The following AKAP10 variants were observed in gnomAD, a reference collection of about 807,000 sequenced individuals.
The protein encoded by AKAP10 is A-kinase anchor protein 10, mitochondrial.
Under a neutral mutation model 80.8 loss-of-function variants are expected in AKAP10, and 24 were observed. The ratio of observed to expected loss-of-function variants is 0.30; its 90% confidence interval spans 0.22 to 0.42. The LOEUF is 0.42. Among genes scored for constraint, AKAP10 ranks in the 10% least tolerant of loss-of-function variants. AKAP10 has a pLI of 1.00. For synonymous variants in AKAP10, 291 were observed against 277.7 expected (o/e 1.05, Z -0.48); for missense variants, 661 against 794.9 (o/e 0.83, Z 2.03).
chr17:19,951,312 G>A (rs1262785543), intron 4 of AKAP10, among the ~76,000 whole-genome samples: 2 of 151,876 alleles, frequency 1.3e-5, no homozygotes, highest in South Asian at 2.1e-4. Context: ...GCCCCGTCTG[G>A]GAGGTGGGGG....
In AKAP10 at chr17:19,924,895, T is replaced by C. The variant is rs140218036; in HGVS notation, c.1642-378A>G. On this transcript the variant is annotated intron_variant, in intron 10 of 14. Transcript: ENST00000225737. Reference sequence around the variant, plus strand: ...CATGCAGCCCTCAATATTCATCTTTTACCCAATACAAGGATCCCAGCACTT... The same window carrying C: ...CATGCAGCCCTCAATATTCATCTTTCACCCAATACAAGGATCCCAGCACTT... Among the ~76,000 whole-genome samples, 380 of 152,158 alleles carry C rather than the reference T, an allele frequency of 2.5e-3. 1 individual carries two copies. The highest frequency in any genetic ancestry group is 8.6e-3 in the African/African-American group (358 of 41,534).
chr17:19,973,654 A>G (rs2043527367), intron 1 of AKAP10, among the ~76,000 whole-genome samples: 1 of 152,248 alleles, frequency 6.6e-6, no homozygotes, highest in African/African-American at 2.4e-5. Context: ...TGCCTCCTCA[A>G]TCTTTATAAA....
intron 9 of AKAP10, among the ~76,000 whole-genome samples, chr17:19,934,708 G>A (rs903889865): frequency 3.9e-5 from 6 of 152,092 alleles, no homozygotes; most frequent in African/African-American, 1.4e-4. Flanking sequence ...TAAGGAAAAT[G>A]GCATTAGAGA....
chr17:19,945,646 C>G (rs1042295275), intron 5 of AKAP10, among the ~76,000 whole-genome samples: 7 of 152,090 alleles, frequency 4.6e-5, no homozygotes, highest in South Asian at 2.1e-4. Context: ...TGACATGGAC[C>G]CCAGAATAGC....
intron 9 of AKAP10, among the ~76,000 whole-genome samples, chr17:19,935,039 A>C (rs75836592): frequency 0.094 from 14,114 of 149,854 alleles, 749 homozygotes; most frequent in Non-Finnish European, 0.13. Flanking sequence ...ATCAATCAAT[A>C]AACAGAATTT....
In AKAP10 at chr17:19,936,263, A is replaced by C. The variant is rs1194126299; in HGVS notation, c.1467+23T>G. 3.1e-6 allele frequency: 5 copies of C among 1,594,792 alleles called. No homozygotes were observed. The African/African-American group carries it at 6.8e-5, about 22-fold the overall frequency. On this transcript the variant is annotated intron_variant, in intron 9 of 14. Coordinates refer to ENST00000225737, the MANE Select transcript of AKAP10 (RefSeq NM_007202.4). Reference sequence around the variant, plus strand: ...TACCAATAAAACTTCTTGTAGTTTGATACGTTTGAAGTTCTGGGTTACCTT... The same window carrying C: ...TACCAATAAAACTTCTTGTAGTTTGCTACGTTTGAAGTTCTGGGTTACCTT...
chr17:19,930,771 C>T (rs1176951094), intron 10 of AKAP10, among the ~76,000 whole-genome samples: 1 of 152,062 alleles, frequency 6.6e-6, no homozygotes, highest in Non-Finnish European at 1.5e-5. Flanking sequence ...AGTGCAGTGG[C>T]GTGATCTCGG....
rs111892712 is a variant in AKAP10 at position 19,963,061 on chromosome 17, T to A, written c.137-39A>T. The A allele has an allele frequency of 6.9e-4, 1,065 of 1,534,438 alleles. 7 individuals carry two copies. The African/African-American group carries it at 0.011, about 16-fold the overall frequency. On this transcript the variant is annotated intron_variant, in intron 2 of 14. Coordinates refer to ENST00000225737, the MANE Select transcript of AKAP10 (RefSeq NM_007202.4). ...AAAAATTGTTAAGAATTAAACACAA[T>A]TTGATAGCCTAAAACTCTCATAAAG... is the stretch of plus-strand genomic sequence containing the variant.
chr17:19,964,614 G>A (rs541715253), intron 2 of AKAP10, among the ~76,000 whole-genome samples: 6 of 152,290 alleles, frequency 3.9e-5, no homozygotes, highest in South Asian at 2.1e-4. Flanking sequence ...ACAAGGGACC[G>A]GGTGCAGTGG....
In AKAP10 at chr17:19,958,066, A is replaced by G; in HGVS notation, c.825T>C (p.Ser275=). The part of the protein sequence containing the change: ...QESSSTLTVA[S]RNSPASPLKE... Reference sequence around the variant, plus strand: ...TTAGTGGAGAAGCGGGACTATTTCTACTGGCTACTGTAAGTGTAGAGGAAG... The same window carrying G: ...TTAGTGGAGAAGCGGGACTATTTCTGCTGGCTACTGTAAGTGTAGAGGAAG... Residue 275 remains serine (S), a synonymous_variant, in exon 4 of 15, where the codon AGT becomes AGC. Transcript: ENST00000225737. 1.2e-6 allele frequency: 2 copies of G among 1,614,130 alleles called. No individual in the cohort carries two copies. The highest frequency in any genetic ancestry group is 1.7e-6 in the Non-Finnish European group (2 of 1,180,008).
intron 12 of AKAP10, among the ~76,000 whole-genome samples, chr17:19,917,109 C>T (rs566562526): frequency 1.5e-3 from 220 of 151,214 alleles, no homozygotes; most frequent in African/African-American, 5.1e-3. Flanking sequence ...CTAAAAATAA[C>T]AAAAAATTAG....
At chr17:19,963,211 CTTTTTTTTT>C (rs35363359) in intron 2 of AKAP10, among the ~76,000 whole-genome samples, 189 bp from the exon 3 acceptor site, 3 of 119,592 alleles carry the variant, frequency 2.5e-5, no homozygotes, top group Non-Finnish European at 5.1e-5. Flanking sequence ...AGAAAACACT[CTTTTTTTTT>C]TTTTTTTTTT....
At chr17:19,912,608 C>T (rs2042702937) in intron 12 of AKAP10, among the ~76,000 whole-genome samples, 1 of 152,056 alleles carries the variant, frequency 6.6e-6, no homozygotes, top group Non-Finnish European at 1.5e-5. Context: ...ATCTCAGCTA[C>T]TCGAGAGGCT....
At position 19,939,946 on chromosome 17, in the gene AKAP10, A is replaced by C. The variant is rs1051897964; in HGVS notation, c.1186-97T>G. ...CTCAAATATTAAAATACAGGTCATAAGCAAAAAACAAAAAGATCTACTTCT... is the reference window on the plus strand; with the variant it reads ...CTCAAATATTAAAATACAGGTCATACGCAAAAAACAAAAAGATCTACTTCT... On this transcript the variant is annotated intron_variant, in intron 7 of 14. Coordinates refer to ENST00000225737, the MANE Select transcript of AKAP10 (RefSeq NM_007202.4). The C allele has an allele frequency of 6.7e-6, 9 of 1,333,734 alleles. No homozygotes were observed. The African/African-American group carries it at 1.3e-4, about 20-fold the overall frequency. 82.6% of individuals were successfully genotyped at this position (1,333,734 alleles called of 1,614,324 possible).
At position 19,977,657 on chromosome 17, in the gene AKAP10, G is replaced by T; in HGVS notation, c.23C>A (p.Pro8Gln). The T allele has an allele frequency of 8.1e-7, 1 of 1,235,294 alleles. No homozygotes were observed. The highest frequency in any genetic ancestry group is 1.0e-6 in the Non-Finnish European group (1 of 987,712). 76.5% of individuals were successfully genotyped at this position (1,235,294 alleles called of 1,614,324 possible). MRGAGPSPRQSPRTLRPD... is the reference protein window; with the variant it reads MRGAGPSQRQSPRTLRPD... ...ACGGAGGGTGCGGGGGGACTGGCGC[G>T]GGGAGGGCCCGGCTCCCCTCATTCA... Residue 8 changes from proline (P) to glutamine (Q), a missense_variant, in exon 1 of 15, where the codon CCG (proline) becomes CAG (glutamine). By Grantham distance (76) the Pro-to-Gln change is moderately conservative. Coordinates refer to ENST00000225737, the MANE Select transcript of AKAP10 (RefSeq NM_007202.4).
At position 19,907,493 on chromosome 17, in the gene AKAP10, C is replaced by T. The variant is rs539085499; in HGVS notation, c.1984-1261G>A. ...GTGGCACAATCTCGGCTTACTGCAA[C>T]CTCAACCTCCACCTCCCGGGTTCAA... On this transcript the variant is annotated intron_variant, in intron 14 of 14. Transcript: ENST00000225737. Among the ~76,000 whole-genome samples the T allele has an allele frequency of 8.6e-5, 13 of 150,642 alleles. No homozygotes were observed. In the South Asian group the frequency reaches 1.7e-3, roughly 20 times the overall value.
At position 19,936,266 on chromosome 17, in the gene AKAP10, C is replaced by T. The variant is rs765828321; in HGVS notation, c.1467+20G>A. The T allele has an allele frequency of 7.5e-6, 12 of 1,598,228 alleles. No individual in the cohort carries two copies. The highest frequency in any genetic ancestry group is 8.5e-6 in the Non-Finnish European group (10 of 1,171,834). On this transcript the variant is annotated intron_variant, in intron 9 of 14. Transcript: ENST00000225737. Reference sequence around the variant, plus strand: ...CAATAAAACTTCTTGTAGTTTGATACGTTTGAAGTTCTGGGTTACCTTCTC... The same window carrying T: ...CAATAAAACTTCTTGTAGTTTGATATGTTTGAAGTTCTGGGTTACCTTCTC...
chr17:19,936,523 C>T lies in AKAP10; in HGVS notation c.1323-93G>A, dbSNP rs922783247. On this transcript the variant is annotated intron_variant, in intron 8 of 14. Coordinates refer to ENST00000225737, the MANE Select transcript of AKAP10 (RefSeq NM_007202.4). ...CTCCAGAGAATCTTATACAAGGCTA[C>T]TTGATTGAGCCTGCAGGCCTAGAAC... 11 of 1,254,896 alleles carry T rather than the reference C, an allele frequency of 8.8e-6. No individual in the cohort carries two copies. In the African/African-American group the frequency reaches 1.2e-4, roughly 14 times the overall value. The allele number at this position is 1,254,896 out of a possible 1,614,324, so 77.7% of individuals were successfully genotyped here.
At chr17:19,954,447 AAAAGATATATATCTAAACGT>A (rs1410727572) in intron 4 of AKAP10, among the ~76,000 whole-genome samples, 2 of 152,100 alleles carry the variant, frequency 1.3e-5, no homozygotes, top group East Asian at 3.9e-4. Flanking sequence ...ATTAACTCAA[AAAAGATATATATCTAAACGT>A]AAAGTGTAAA....
Sources: gnomAD v4.1 joint callset for allele counts (sites outside exome capture counted in the v4.1 genomes callset) on GRCh38, gnomAD v4.1.1 for gene constraint, MANE v1.5 for transcripts, NCBI Gene and HGNC (gene_info 2026-07-23, HGNC 2026-07-21) for gene names.